GSK3B: variants seen among roughly 807,000 people sequenced by gnomAD.
GSK3B encodes glycogen synthase kinase-3 beta.
A neutral mutation model predicts 56.4 loss-of-function variants in GSK3B; 15 were observed. The observed-to-expected ratio is 0.27, with a 90% CI of 0.18 to 0.41. GSK3B has a LOEUF of 0.41. Ranked by LOEUF, GSK3B falls within the 10% of genes least tolerant of loss-of-function variation. The pLI is 1.00. For synonymous variants in GSK3B, 181 were observed against 188.9 expected (o/e 0.96, Z 0.34); for missense variants, 300 against 513.4 (o/e 0.58, Z 4.02).
At chr3:120,033,008 C>T (rs1201809357) in intron 1 of GSK3B, among the ~76,000 whole-genome samples, 2 of 152,178 alleles carry the variant, frequency 1.3e-5, no homozygotes, top group African/African-American at 2.4e-5. Context: ...AGGTGTCATC[C>T]CCCAATCCTT....
At chr3:119,863,739 G>C in intron 8 of GSK3B, 134 bp from the exon 9 acceptor site, 1 of 600,816 alleles carries the variant, frequency 1.7e-6, no homozygotes, top group Non-Finnish European at 3.0e-6. Context: ...TTCTAGAATG[G>C]AAAGAGTTAA....
At chr3:120,075,861 A>G (rs1002685640) in intron 1 of GSK3B, among the ~76,000 whole-genome samples, 2 of 152,208 alleles carry the variant, frequency 1.3e-5, no homozygotes, top group Non-Finnish European at 2.9e-5. Context: ...ATTCTTCACA[A>G]GAGTAGAAAA....
intron 1 of GSK3B, among the ~76,000 whole-genome samples, chr3:120,009,660 G>A (rs2057761869): frequency 6.6e-6 from 1 of 151,986 alleles, no homozygotes; most frequent in African/African-American, 2.4e-5. Flanking sequence ...TGGACACAGG[G>A]AGGTGAACAT....
chr3:119,880,252 C>A (rs1337802805), intron 7 of GSK3B, among the ~76,000 whole-genome samples: 1 of 152,142 alleles, frequency 6.6e-6, no homozygotes, highest in Non-Finnish European at 1.5e-5. Context: ...TACCTGTTTG[C>A]CATCTGTATG....
chr3:119,876,237 A>G (rs992902426), intron 8 of GSK3B, among the ~76,000 whole-genome samples, 176 bp downstream of exon 8: 1 of 152,178 alleles, frequency 6.6e-6, no homozygotes. Context: ...CAGGAAATCA[A>G]TGAGGATGAA....
At chr3:120,040,817 A>G (rs2058059702) in intron 1 of GSK3B, among the ~76,000 whole-genome samples, 2 of 151,330 alleles carry the variant, frequency 1.3e-5, no homozygotes, top group Admixed American at 6.6e-5. Context: ...AGTGACCCCA[A>G]CCCTTTCCTC....
intron 2 of GSK3B, among the ~76,000 whole-genome samples, chr3:119,983,873 A>C (rs1047944532): frequency 6.6e-6 from 1 of 152,218 alleles, no homozygotes; most frequent in Non-Finnish European, 1.5e-5. Flanking sequence ...ACATCTACAG[A>C]ACTCTCCACC....
At chr3:119,932,101 G>C (rs999135838) in intron 3 of GSK3B, among the ~76,000 whole-genome samples, 6 of 152,106 alleles carry the variant, frequency 3.9e-5, no homozygotes, top group Non-Finnish European at 8.8e-5. Context: ...AACTTCTGAG[G>C]TCAAGGAAAT....
chr3:119,995,109 T>G (rs1190093128), intron 2 of GSK3B, among the ~76,000 whole-genome samples: 3 of 147,910 alleles, frequency 2.0e-5, no homozygotes, highest in Non-Finnish European at 4.5e-5. Context: ...GAGGATCACT[T>G]AAGCCCAGGA....
chr3:119,882,315 C>G (rs1308791794), intron 7 of GSK3B, among the ~76,000 whole-genome samples: 1 of 152,070 alleles, frequency 6.6e-6, no homozygotes. Context: ...TGTACTCACT[C>G]TCACATCCTT....
chr3:119,916,209 C>T, intron 4 of GSK3B, 35 bp from the exon 5 acceptor site: 2 of 1,535,302 alleles, frequency 1.3e-6, no homozygotes, highest in East Asian at 2.3e-5. Context: ...TAAATACTTC[C>T]TATTCTAAAC....
chr3:120,029,991 G>A (rs2057961323), intron 1 of GSK3B: 2 of 444,252 alleles, frequency 4.5e-6, no homozygotes. Context: ...TGGCCTCCCA[G>A]TGTTTTCAGC....
intron 7 of GSK3B, among the ~76,000 whole-genome samples, chr3:119,881,054 C>T (rs1042037980): frequency 2.6e-5 from 4 of 151,872 alleles, no homozygotes; most frequent in African/African-American, 7.3e-5. Context: ...AAAATACTGC[C>T]GATAAAAGCA....
At chr3:119,963,974 T>C (rs1167382883) in intron 2 of GSK3B, among the ~76,000 whole-genome samples, 1 of 152,112 alleles carries the variant, frequency 6.6e-6, no homozygotes, top group East Asian at 1.9e-4. Context: ...ATTTCTTGGA[T>C]AACAGGCAAC....
chr3:119,902,157 G>C (rs536570279), intron 7 of GSK3B, among the ~76,000 whole-genome samples: 2 of 152,212 alleles, frequency 1.3e-5, no homozygotes, highest in African/African-American at 4.8e-5. Flanking sequence ...GTACATGAAA[G>C]TATTTGTTTA....
intron 1 of GSK3B, among the ~76,000 whole-genome samples, chr3:120,079,221 A>T (rs1272052567): frequency 6.8e-6 from 1 of 147,566 alleles, no homozygotes; most frequent in Admixed American, 6.8e-5. Flanking sequence ...GATTACAGAC[A>T]TGAGCCACTG....
intron 8 of GSK3B, among the ~76,000 whole-genome samples, chr3:119,875,201 A>AT (rs2056296575): frequency 6.6e-6 from 1 of 152,064 alleles, no homozygotes; most frequent in Admixed American, 6.6e-5. Flanking sequence ...TAGGAAATAA[A>AT]TAATTAGTAA....
chr3:119,893,159 C>T (rs2056522539), intron 7 of GSK3B, among the ~76,000 whole-genome samples: 1 of 151,958 alleles, frequency 6.6e-6, no homozygotes, highest in African/African-American at 2.4e-5. Flanking sequence ...AGGTGTGCTC[C>T]ACCACACCCA....
In GSK3B at chr3:119,916,112, C is replaced by T. The variant is rs200166474; in HGVS notation, c.540G>A (p.Arg180=). 1 of 1,612,794 alleles carries T rather than the reference C, an allele frequency of 6.2e-7. No individual in the cohort carries two copies. Among genetic ancestry groups the T allele is most frequent in the African/African-American group, 1.3e-5 (1 of 74,856 alleles). Residue 180 remains arginine (R), a synonymous_variant, in exon 5 of 11, where the codon CGG becomes CGA. Transcript: ENST00000264235. ...ACAAGAGGTTCTGCGGTTTAATATCCCGATGGCAGATTCCAAAGGAATGGA... is the reference window on the plus strand; with the variant it reads ...ACAAGAGGTTCTGCGGTTTAATATCTCGATGGCAGATTCCAAAGGAATGGA... ...AYIHSFGICH[R]DIKPQNLLLD... is the part of the protein sequence containing the mutation.
Sources: allele counts gnomAD v4.1 joint callset (sites outside exome capture counted in the v4.1 genomes callset), GRCh38; gene constraint gnomAD v4.1.1; transcripts MANE v1.5; gene names NCBI Gene and HGNC (gene_info 2026-07-23, HGNC 2026-07-21).